L3MBTL4: variants seen among roughly 807,000 people sequenced by gnomAD.
L3MBTL4 encodes L3MBTL histone methyl-lysine binding protein 4.
Under a neutral mutation model 84.5 loss-of-function variants are expected in L3MBTL4, and 70 were observed. That is an observed-to-expected ratio of 0.83 (90% CI 0.68 to 1.01). The LOEUF is 1.01. Among genes scored for constraint, L3MBTL4 ranks in the 50% least tolerant of loss-of-function variants. The pLI, the probability that L3MBTL4 is intolerant of heterozygous loss-of-function variation, is 0.00. For synonymous variants in L3MBTL4, 274 were observed against 259.8 expected (o/e 1.05, Z -0.52); for missense variants, 715 against 754.8 (o/e 0.95, Z 0.62).
At chr18:6,145,193 A>T (rs1438289836) in intron 13 of L3MBTL4, among the ~76,000 whole-genome samples, 1 of 152,210 alleles carries the variant, frequency 6.6e-6, no homozygotes, top group African/African-American at 2.4e-5. Flanking sequence ...AATAAAAGAG[A>T]TTGTACTTAT....
intron 16 of L3MBTL4, among the ~76,000 whole-genome samples, chr18:5,992,134 C>T (rs532172324): frequency 2.0e-5 from 3 of 152,260 alleles, no homozygotes; most frequent in East Asian, 3.9e-4. Context: ...TGGAAAGAAT[C>T]GGTTGCAGCA....
chr18:6,405,822 T>C (rs988447922), intron 1 of L3MBTL4, among the ~76,000 whole-genome samples: 3 of 152,228 alleles, frequency 2.0e-5, no homozygotes, highest in Admixed American at 2.0e-4. Flanking sequence ...AGCCAGTGAT[T>C]TTCCTGTACT....
intron 5 of L3MBTL4, among the ~76,000 whole-genome samples, chr18:6,255,419 G>C (rs1018550552): frequency 1.3e-5 from 2 of 152,182 alleles, no homozygotes; most frequent in African/African-American, 2.4e-5. Context: ...CCATTTCAGA[G>C]ACACAGATTC....
intron 1 of L3MBTL4, among the ~76,000 whole-genome samples, chr18:6,400,021 C>T (rs1203439768): frequency 6.6e-6 from 1 of 152,036 alleles, no homozygotes; most frequent in Non-Finnish European, 1.5e-5. Context: ...GAACTGAAAT[C>T]TACATTAATT....
intron 16 of L3MBTL4, among the ~76,000 whole-genome samples, chr18:6,001,058 C>A (rs192797420): frequency 6.6e-6 from 1 of 152,318 alleles, no homozygotes; most frequent in Non-Finnish European, 1.5e-5. Context: ...ATCCTCCAGC[C>A]CTGTGGCAGG....
intron 17 of L3MBTL4, among the ~76,000 whole-genome samples, chr18:5,962,806 T>A (rs1272064886): frequency 6.6e-6 from 1 of 152,104 alleles, no homozygotes; most frequent in African/African-American, 2.4e-5. Context: ...CGCAGGAAAA[T>A]GCTGTAAAGC....
At chr18:6,124,029 T>C (rs1453284952) in intron 14 of L3MBTL4, among the ~76,000 whole-genome samples, 1 of 152,092 alleles carries the variant, frequency 6.6e-6, no homozygotes, top group African/African-American at 2.4e-5. Flanking sequence ...GTGATGAAGA[T>C]GGTAAGAACA....
At chr18:6,003,188 A>G (rs998527597) in intron 16 of L3MBTL4, among the ~76,000 whole-genome samples, 29 of 145,706 alleles carry the variant, frequency 2.0e-4, no homozygotes, top group African/African-American at 7.0e-4. Flanking sequence ...GAGATACTAT[A>G]TAAAATATAG....
chr18:6,050,164 T>C (rs1187246005), intron 16 of L3MBTL4, among the ~76,000 whole-genome samples: 1 of 152,166 alleles, frequency 6.6e-6, no homozygotes, highest in Non-Finnish European at 1.5e-5. Context: ...AGTGACATAG[T>C]GACAATGCGA....
intron 14 of L3MBTL4, among the ~76,000 whole-genome samples, chr18:6,095,990 A>G (rs943075507): frequency 2.0e-5 from 3 of 152,220 alleles, no homozygotes; most frequent in Non-Finnish European, 2.9e-5. Context: ...TTTCATTAAG[A>G]TACTATGACT....
chr18:5,981,036 A>G (rs2144994241), intron 16 of L3MBTL4, among the ~76,000 whole-genome samples: 1 of 152,218 alleles, frequency 6.6e-6, no homozygotes, highest in Middle Eastern at 3.4e-3. Flanking sequence ...TAGCTTTCTG[A>G]GGAGGCCCTC....
intron 1 of L3MBTL4, among the ~76,000 whole-genome samples, chr18:6,412,065 T>C (rs548851393): frequency 1.3e-5 from 2 of 152,268 alleles, no homozygotes; most frequent in African/African-American, 2.4e-5. Context: ...TCCTGGGGGT[T>C]TGTTGTACAG....
At position 6,244,181 on chromosome 18, in the gene L3MBTL4, T is replaced by G. The variant is rs2047563961; in HGVS notation, c.324+303A>C. Among the ~76,000 whole-genome samples, 3 of 152,304 alleles carry G rather than the reference T, an allele frequency of 2.0e-5. 1 individual carries two copies. The South Asian group carries it at 6.2e-4, about 32-fold the overall frequency. The stretch of plus-strand genomic sequence containing the variant: ...TTAGTTCAGCTAAAATGTGAATAAG[T>G]ACATCTCTGTTAATAGGTTAAAATA... On this transcript the variant is annotated intron_variant, in intron 6 of 18. Transcript: ENST00000317931.
intron 14 of L3MBTL4, among the ~76,000 whole-genome samples, chr18:6,101,298 G>A (rs2058816834): frequency 6.6e-6 from 1 of 152,116 alleles, no homozygotes; most frequent in South Asian, 2.1e-4. Flanking sequence ...GTCCCCAGCT[G>A]GTCTGCGTCC....
At chr18:6,212,232 C>T (rs563259673) in intron 12 of L3MBTL4, among the ~76,000 whole-genome samples, 55 of 152,216 alleles carry the variant, frequency 3.6e-4, no homozygotes, top group Non-Finnish European at 5.7e-4. Context: ...TAATCTATTG[C>T]CAAGCTGGAC....
intron 1 of L3MBTL4, among the ~76,000 whole-genome samples, chr18:6,376,494 T>A (rs914544627): frequency 6.6e-6 from 1 of 152,262 alleles, no homozygotes; most frequent in Non-Finnish European, 1.5e-5. Context: ...ATCCCAGCAC[T>A]TTGGGAGGTT....
At chr18:6,143,473 C>A (rs1442064067) in intron 13 of L3MBTL4, among the ~76,000 whole-genome samples, 2 of 152,152 alleles carry the variant, frequency 1.3e-5, no homozygotes, top group African/African-American at 2.4e-5. Flanking sequence ...AGACAAGAAG[C>A]CATCCACTAG....
chr18:6,033,024 G>T (rs634212), intron 16 of L3MBTL4, among the ~76,000 whole-genome samples: 58,647 of 152,038 alleles, frequency 0.39, 11,418 homozygotes, highest in East Asian at 0.51. Context: ...TGTATGTATC[G>T]GTTAGATAGC....
At chr18:6,128,692 C>T (rs1371165703) in intron 14 of L3MBTL4, among the ~76,000 whole-genome samples, 1 of 152,112 alleles carries the variant, frequency 6.6e-6, no homozygotes. Context: ...GTAACTCCCT[C>T]GCACAAACTC....
Sources: allele counts gnomAD v4.1 joint callset (sites outside exome capture counted in the v4.1 genomes callset), GRCh38; gene constraint gnomAD v4.1.1; transcripts MANE v1.5; gene names NCBI Gene and HGNC (gene_info 2026-07-23, HGNC 2026-07-21).